The following OSBPL10 variants were observed in gnomAD, a reference collection of about 807,000 sequenced individuals.
OSBPL10 encodes the protein oxysterol-binding protein-related protein 10.
Under a neutral mutation model 81.7 loss-of-function variants are expected in OSBPL10, and 49 were observed. The observed-to-expected ratio is 0.60, with a 90% CI of 0.48 to 0.76. OSBPL10 has a LOEUF of 0.76. Ranked by LOEUF, OSBPL10 falls within the 30% of genes least tolerant of loss-of-function variation. The pLI, the probability that OSBPL10 is intolerant of heterozygous loss-of-function variation, is 0.00. For missense variants in OSBPL10, 923 were observed against 987.8 expected (o/e 0.93, Z 0.88); for synonymous variants, 419 against 383.6 (o/e 1.09, Z -1.08).
intron 6 of OSBPL10, chr3:31,704,685 T>C (rs1696003701): frequency 6.6e-6 from 1 of 152,180 alleles, no homozygotes; most frequent in South Asian, 2.1e-4. Flanking sequence ...AAGCAAAGAA[T>C]GATTCATTCT....
chr3:31,808,243 A>G (rs1247081235), intron 4 of OSBPL10, among the ~76,000 whole-genome samples: 1 of 152,064 alleles, frequency 6.6e-6, no homozygotes, highest in Non-Finnish European at 1.5e-5. Flanking sequence ...GGAAAGGGGG[A>G]GAAAGGACGA....
At chr3:31,884,521 T>G (rs1296260599) in intron 1 of OSBPL10, among the ~76,000 whole-genome samples, 1 of 152,228 alleles carries the variant, frequency 6.6e-6, no homozygotes, top group African/African-American at 2.4e-5. Flanking sequence ...ACTGTCCATA[T>G]AGCATTAAGA....
intron 2 of OSBPL10, among the ~76,000 whole-genome samples, chr3:32,028,238 A>G (rs1209811091): frequency 2.0e-5 from 3 of 152,242 alleles, no homozygotes; most frequent in Non-Finnish European, 4.4e-5. Context: ...TCTTCATGTC[A>G]AATGTACTGA....
intron 1 of OSBPL10, among the ~76,000 whole-genome samples, chr3:32,054,239 A>G (rs528683169): frequency 6.6e-6 from 1 of 152,266 alleles, no homozygotes; most frequent in South Asian, 2.1e-4. Flanking sequence ...TTTCTAAATT[A>G]TGTCTTTTTC....
upstream of OSBPL10, among the ~76,000 whole-genome samples, chr3:31,982,872 G>A (rs756335407): frequency 2.0e-5 from 3 of 152,174 alleles, no homozygotes; most frequent in Non-Finnish European, 4.4e-5. Context: ...CCTCCACATG[G>A]ACCTTAGGCT....
At chr3:31,907,633 A>C (rs1358555176) in intron 1 of OSBPL10, among the ~76,000 whole-genome samples, 5 of 148,418 alleles carry the variant, frequency 3.4e-5, no homozygotes, top group East Asian at 1.9e-4. Context: ...AAAAAAAAAA[A>C]AAAAAAAAAA....
intron 7 of OSBPL10, among the ~76,000 whole-genome samples, chr3:31,691,509 C>T (rs888094835): frequency 1.3e-5 from 2 of 152,132 alleles, no homozygotes; most frequent in Non-Finnish European, 2.9e-5. Context: ...CGCTTCAGCC[C>T]TGGAGTTCAA....
chr3:31,887,696 C>G (rs1695775256), intron 1 of OSBPL10, among the ~76,000 whole-genome samples: 1 of 152,204 alleles, frequency 6.6e-6, no homozygotes, highest in Admixed American at 6.5e-5. Flanking sequence ...GAATTTCTCT[C>G]ATGATAACCA....
chr3:31,688,212 C>T (rs1334126717), intron 7 of OSBPL10, among the ~76,000 whole-genome samples: 1 of 151,758 alleles, frequency 6.6e-6, no homozygotes, highest in Non-Finnish European at 1.5e-5. Context: ...GCCCCCACCT[C>T]CCTCTGGTCT....
chr3:31,896,862 A>C (rs1696074238), intron 1 of OSBPL10, among the ~76,000 whole-genome samples: 1 of 152,148 alleles, frequency 6.6e-6, no homozygotes, highest in South Asian at 2.1e-4. Flanking sequence ...AGGGGAGGAA[A>C]GGCAGGGAGT....
intron 4 of OSBPL10, among the ~76,000 whole-genome samples, chr3:31,761,832 C>T (rs1030226450): frequency 8.6e-6 from 1 of 116,498 alleles, no homozygotes; most frequent in African/African-American, 8.0e-5. Context: ...AAAAAAAAAA[C>T]CCTAAAGGGA....
At chr3:31,925,641 C>T (rs557056272) in intron 1 of OSBPL10, among the ~76,000 whole-genome samples, 16 of 152,110 alleles carry the variant, frequency 1.1e-4, no homozygotes, top group Non-Finnish European at 1.9e-4. Flanking sequence ...GGTGAACCCC[C>T]GTCTCTACTA....
intron 3 of OSBPL10, among the ~76,000 whole-genome samples, chr3:31,875,587 T>C (rs941808363): frequency 2.7e-5 from 4 of 148,932 alleles, no homozygotes; most frequent in Non-Finnish European, 5.9e-5. Flanking sequence ...TATGAAGAAA[T>C]TATTTTAGTT....
chr3:31,738,390 GAAAA>G (rs58044645), intron 5 of OSBPL10, among the ~76,000 whole-genome samples: 6 of 141,434 alleles, frequency 4.2e-5, no homozygotes, highest in Admixed American at 1.4e-4. Flanking sequence ...TGCCTTAAAG[GAAAA>G]AAAAAAAAAT....
chr3:31,921,685 A>C (rs929079420), intron 1 of OSBPL10, among the ~76,000 whole-genome samples: 6 of 152,224 alleles, frequency 3.9e-5, no homozygotes, highest in Non-Finnish European at 7.3e-5. Flanking sequence ...ATGTAAAACC[A>C]TTCCCTCAAG....
rs146890181 is a variant in OSBPL10 at position 31,670,814 on chromosome 3, A to G, written c.1896T>C (p.Tyr632=). 3.8e-5 allele frequency: 62 copies of G among 1,614,014 alleles called. No individual in the cohort carries two copies. In the African/African-American group the frequency reaches 6.8e-4, roughly 18 times the overall value. The change falls in exon 9 of 12, where the codon TAT becomes TAC. Residue 632 remains tyrosine (Y), a synonymous_variant. Transcript: ENST00000396556. ...GCTCCTACCTGTGGACTTTCCCTCC[A>G]TAGAAAGGCTTCGTGTGGAATATCA... ...ATVIFHTKPF[Y]GGKVHRVTAE...
intron 3 of OSBPL10, among the ~76,000 whole-genome samples, chr3:31,862,519 A>C (rs1413455944): frequency 6.6e-6 from 1 of 152,152 alleles, no homozygotes; most frequent in Non-Finnish European, 1.5e-5. Flanking sequence ...AAAGAATGGG[A>C]GCTAATACTT....
intron 4 of OSBPL10, among the ~76,000 whole-genome samples, chr3:31,769,668 T>G (rs1356789266): frequency 2.6e-5 from 4 of 151,572 alleles, no homozygotes; most frequent in African/African-American, 9.7e-5. Flanking sequence ...GACTACAGGA[T>G]TTGGGAAAAG....
chr3:32,012,467 A>G (rs1329476403), intron 2 of OSBPL10, among the ~76,000 whole-genome samples: 2 of 152,214 alleles, frequency 1.3e-5, no homozygotes, highest in African/African-American at 4.8e-5. Flanking sequence ...AGGAACAACC[A>G]GTATCAGCCA....
Sources: allele counts gnomAD v4.1 joint callset (sites outside exome capture counted in the v4.1 genomes callset), GRCh38; gene constraint gnomAD v4.1.1; transcripts MANE v1.5; gene names NCBI Gene and HGNC (gene_info 2026-07-23, HGNC 2026-07-21).